The following SESTD1 variants were observed in gnomAD, a reference collection of about 807,000 sequenced individuals.
SESTD1 encodes SEC14 domain and spectrin repeat-containing protein 1.
SESTD1 carries 43 observed loss-of-function variants against 101.7 expected under a neutral mutation model. The observed-to-expected ratio is 0.42, with a 90% CI of 0.33 to 0.55. The LOEUF is 0.55. Ranked by LOEUF, SESTD1 falls within the 20% of genes least tolerant of loss-of-function variation. The pLI is 0.07. For synonymous variants in SESTD1, 283 were observed against 286.8 expected (o/e 0.99, Z 0.13); for missense variants, 647 against 815.1 (o/e 0.79, Z 2.51).
At chr2:179,169,716 T>C (rs1283245297) in intron 5 of SESTD1, among the ~76,000 whole-genome samples, 1 of 152,130 alleles carries the variant, frequency 6.6e-6, no homozygotes, top group Non-Finnish European at 1.5e-5. Context: ...GCACGGTGCC[T>C]CATGCCTGTA....
intron 7 of SESTD1, among the ~76,000 whole-genome samples, chr2:179,147,410 A>G (rs1395130310): frequency 3.4e-5 from 5 of 148,356 alleles, no homozygotes; most frequent in Non-Finnish European, 7.4e-5. Flanking sequence ...CACCCAGGCT[A>G]GAGTGCAGTG....
At chr2:179,121,146 G>A (rs1207857018) in intron 13 of SESTD1, among the ~76,000 whole-genome samples, 1 of 151,158 alleles carries the variant, frequency 6.6e-6, no homozygotes, top group Non-Finnish European at 1.5e-5. Context: ...GTGAAGTTTT[G>A]TTGATGATCA....
chr2:179,190,871 T>A (rs2046309613), intron 2 of SESTD1, among the ~76,000 whole-genome samples: 1 of 152,084 alleles, frequency 6.6e-6, no homozygotes, highest in Non-Finnish European at 1.5e-5. Context: ...GTCAAAAAAA[T>A]AACAGATGCT....
intron 9 of SESTD1, among the ~76,000 whole-genome samples, chr2:179,138,870 C>CAAAAAAAAAAAA (rs61703699): frequency 1.5e-5 from 1 of 65,546 alleles, no homozygotes; most frequent in African/African-American, 4.4e-5. Context: ...AACCCTGTCT[C>CAAAAAAAAAAAA]AAAAAAAAAA....
rs147777900 is a variant in SESTD1, at chr2:179,225,894, T to C, written c.-25-34028A>G. On this transcript the variant is annotated intron_variant, in intron 1 of 17. Coordinates refer to ENST00000428443, the MANE Select transcript of SESTD1 (RefSeq NM_178123.5). ...ACAGTTGGAACTAAGTTCCAACACATGAATTTTGGGGGACATTCAGACCAT... is the reference window on the plus strand; with the variant it reads ...ACAGTTGGAACTAAGTTCCAACACACGAATTTTGGGGGACATTCAGACCAT... 5.1e-3 allele frequency among the ~76,000 whole-genome samples: 778 copies of C among 152,262 alleles called. 2 individuals are homozygous for C. Among genetic ancestry groups the C allele is most frequent in the African/African-American group, 0.018 (747 of 41,552 alleles).
chr2:179,255,151 A>G (rs1324584015), intron 1 of SESTD1, among the ~76,000 whole-genome samples: 3 of 152,198 alleles, frequency 2.0e-5, no homozygotes, highest in Non-Finnish European at 2.9e-5. Context: ...CAGGAGACAC[A>G]ATAATACTGA....
At chr2:179,185,739 A>AGTATATT in intron 2 of SESTD1, among the ~76,000 whole-genome samples, 1 of 128,678 alleles carries the variant, frequency 7.8e-6, no homozygotes, top group Non-Finnish European at 1.5e-5. Context: ...TATATAATAT[A>AGTATATT]ATATAGTATA....
chr2:179,167,386 T>C (rs1205427118), intron 5 of SESTD1, among the ~76,000 whole-genome samples: 1 of 151,542 alleles, frequency 6.6e-6, no homozygotes, highest in African/African-American at 2.4e-5. Context: ...AAGAAAATGG[T>C]GAGAAAATTT....
chr2:179,123,780 G>A lies in SESTD1; in HGVS notation c.1217C>T (p.Ala406Val), dbSNP rs1342785691. 6.2e-7 allele frequency: 1 copy of A among 1,613,984 alleles called. No homozygotes were observed. The highest frequency in any genetic ancestry group is 8.5e-7 in the Non-Finnish European group (1 of 1,179,952). Residue 406 changes from alanine (A) to valine (V), a missense_variant, in exon 12 of 18, where the codon GCA becomes GTA. By Grantham distance (64) the Ala-to-Val change is moderately conservative. This residue lies in a region of SESTD1 where 476 missense variants were observed against 562.6 expected (regional missense o/e 0.85). Transcript: ENST00000428443. ...GLLGMLCVDV[A>V]PADGASIQQT... Reference sequence around the variant, plus strand: ...CTGAATCGATGCTCCATCAGCTGGTGCTACATCTACGCACAACATCCCTAA... The same window carrying A: ...CTGAATCGATGCTCCATCAGCTGGTACTACATCTACGCACAACATCCCTAA...
chr2:179,246,672 T>G (rs1297521940), intron 1 of SESTD1, among the ~76,000 whole-genome samples: 1 of 152,186 alleles, frequency 6.6e-6, no homozygotes, highest in Non-Finnish European at 1.5e-5. Context: ...GATCACAGAC[T>G]AAGATAGATC....
At chr2:179,168,026 GTGC>G (rs1404478913) in intron 5 of SESTD1, among the ~76,000 whole-genome samples, 1 of 152,166 alleles carries the variant, frequency 6.6e-6, no homozygotes, top group East Asian at 1.9e-4. Context: ...GCCTCCCAAA[GTGC>G]TGGGATTTCA....
chr2:179,157,591 CTCTAT>C (rs1171639640), intron 5 of SESTD1, among the ~76,000 whole-genome samples: 2 of 152,084 alleles, frequency 1.3e-5, no homozygotes, highest in East Asian at 3.8e-4. Context: ...TTTCTGGGTT[CTCTAT>C]TCTGTTCCAT....
intron 5 of SESTD1, among the ~76,000 whole-genome samples, chr2:179,166,017 T>A (rs190248086): frequency 6.6e-6 from 1 of 152,280 alleles, no homozygotes; most frequent in African/African-American, 2.4e-5. Flanking sequence ...AAGATCTGCA[T>A]CTTCAAGAAG....
intron 2 of SESTD1, among the ~76,000 whole-genome samples, chr2:179,186,090 AC>A (rs2105491073): frequency 6.7e-6 from 1 of 148,804 alleles, no homozygotes; most frequent in Non-Finnish European, 1.5e-5. Context: ...TATAATACAT[AC>A]TAGGAAAACA....
At chr2:179,146,162 G>A (rs2045391791) in intron 8 of SESTD1, among the ~76,000 whole-genome samples, 1 of 152,026 alleles carries the variant, frequency 6.6e-6, no homozygotes, top group African/African-American at 2.4e-5. Context: ...TCCAGGTTGT[G>A]TGCTCCTTAT....
At position 179,176,504 on chromosome 2, in the gene SESTD1, C is replaced by G. The variant is rs549464660; in HGVS notation, c.199G>C (p.Val67Leu). The G allele has an allele frequency of 7.4e-6, 12 of 1,613,534 alleles. No individual in the cohort carries two copies. The African/African-American group carries it at 1.6e-4, about 22-fold the overall frequency. ...KCKARGFTVI[V>L]DGRKSQWNVV... ...TTCCACTGTGATTTTCTGCCATCCA[C>G]AATCACGGTAAATCCTCTAGCCTTA... Residue 67 changes from valine to leucine, a missense_variant, in exon 4 of 18, where the codon GTG becomes CTG. Coordinates refer to ENST00000428443, the MANE Select transcript of SESTD1 (RefSeq NM_178123.5).
chr2:179,141,395 C>T (rs541751530), intron 9 of SESTD1, among the ~76,000 whole-genome samples: 1 of 152,236 alleles, frequency 6.6e-6, no homozygotes, highest in African/African-American at 2.4e-5. Context: ...GGCATAGCTG[C>T]AATTTCACAG....
chr2:179,263,173 T>C (rs1016965059), intron 1 of SESTD1, among the ~76,000 whole-genome samples: 1 of 152,188 alleles, frequency 6.6e-6, no homozygotes, highest in African/African-American at 2.4e-5. Flanking sequence ...CCTTGGGGAA[T>C]TTTTTCACGT....
intron 1 of SESTD1, among the ~76,000 whole-genome samples, chr2:179,243,931 T>TAC (rs2047191139): frequency 7.2e-6 from 1 of 138,772 alleles, no homozygotes; most frequent in African/African-American, 2.8e-5. Context: ...TAAAAATATA[T>TAC]ATATATGTGT....
Sources: gnomAD v4.1 joint callset for allele counts (sites outside exome capture counted in the v4.1 genomes callset) on GRCh38, gnomAD v4.1.1 for gene constraint, gnomAD v4.1.1 regional missense constraint, MANE v1.5 for transcripts, NCBI Gene and HGNC (gene_info 2026-07-23, HGNC 2026-07-21) for gene names.